Variants in ITGBL1 observed in about 807,000 individuals in gnomAD.
ITGBL1 encodes integrin beta-like protein 1.
ITGBL1 carries 51 observed loss-of-function variants against 68.5 expected under a neutral mutation model. The observed-to-expected ratio is 0.74, with a 90% confidence interval of 0.59 to 0.94. The LOEUF is 0.94. Among genes scored for constraint, ITGBL1 ranks in the 40% least tolerant of loss-of-function variants. The pLI is 0.00. For missense variants in ITGBL1, 649 were observed against 647.4 expected (o/e 1.00, Z -0.03); for synonymous variants, 209 against 227.3 (o/e 0.92, Z 0.72).
chr13:101,669,106 T>G (rs2033295014), intron 7 of ITGBL1, among the ~76,000 whole-genome samples: 1 of 150,958 alleles, frequency 6.6e-6, no homozygotes, highest in Non-Finnish European at 1.5e-5. Flanking sequence ...TAAGATACCT[T>G]TTTCGTTAAA....
intron 2 of ITGBL1, among the ~76,000 whole-genome samples, chr13:101,506,083 C>T (rs2049022563): frequency 6.6e-6 from 1 of 152,156 alleles, no homozygotes; most frequent in Admixed American, 6.5e-5. Flanking sequence ...AGTGAATATT[C>T]TTTTGATGGC....
intron 7 of ITGBL1, among the ~76,000 whole-genome samples, chr13:101,651,744 C>T (rs937480079): frequency 1.3e-5 from 2 of 149,406 alleles, no homozygotes; most frequent in Non-Finnish European, 1.5e-5. Context: ...AAATTTTTGC[C>T]CGGGTCTATG....
chr13:101,591,357 A>G (rs1167170189), intron 6 of ITGBL1, among the ~76,000 whole-genome samples: 1 of 152,158 alleles, frequency 6.6e-6, no homozygotes, highest in African/African-American at 2.4e-5. Flanking sequence ...AATAATAACA[A>G]TTTTCTTTTC....
intron 2 of ITGBL1, among the ~76,000 whole-genome samples, chr13:101,479,393 T>C (rs776911292): frequency 6.6e-6 from 1 of 152,034 alleles, no homozygotes; most frequent in African/African-American, 2.4e-5. Flanking sequence ...AGGACATCGG[T>C]CTGGGCAAAG....
chr13:101,538,374 T>C (rs372491333), intron 2 of ITGBL1, among the ~76,000 whole-genome samples: 73 of 152,156 alleles, frequency 4.8e-4, no homozygotes, highest in Non-Finnish European at 8.4e-4. Flanking sequence ...CTGGGGGGTC[T>C]AGAAAAGTTT....
intron 7 of ITGBL1, among the ~76,000 whole-genome samples, chr13:101,657,472 C>T (rs5007577): frequency 0.8 from 121,737 of 151,738 alleles, 48,976 homozygotes; most frequent in East Asian, 0.96. Context: ...TTTAAAACTC[C>T]TTTGATACAT....
chr13:101,600,167 G>A (rs912466854), intron 7 of ITGBL1, among the ~76,000 whole-genome samples: 10 of 152,202 alleles, frequency 6.6e-5, no homozygotes, highest in African/African-American at 2.4e-4. Context: ...CTTGTAAGTT[G>A]GATTGCTAGG....
chr13:101,553,711 C>A (rs1242481089), intron 2 of ITGBL1, among the ~76,000 whole-genome samples: 8 of 151,854 alleles, frequency 5.3e-5, no homozygotes, highest in Middle Eastern at 3.4e-3. Context: ...GGCTTGTAGA[C>A]ACATTGCCCC....
At chr13:101,663,286 G>T (rs562831858) in intron 7 of ITGBL1, among the ~76,000 whole-genome samples, 1 of 152,274 alleles carries the variant, frequency 6.6e-6, no homozygotes, top group South Asian at 2.1e-4. Flanking sequence ...AAACATTTAA[G>T]TAGAAAACAG....
At chr13:101,584,359 T>C (rs923926792) in intron 6 of ITGBL1, among the ~76,000 whole-genome samples, 1 of 152,162 alleles carries the variant, frequency 6.6e-6, no homozygotes, top group Non-Finnish European at 1.5e-5. Flanking sequence ...TTAGCAAAAA[T>C]GGAGTTATAG....
At chr13:101,551,509 G>T (rs2049920308) in intron 2 of ITGBL1, among the ~76,000 whole-genome samples, 1 of 152,168 alleles carries the variant, frequency 6.6e-6, no homozygotes, top group African/African-American at 2.4e-5. Context: ...AAGGGAGCAA[G>T]ATGGATCAGG....
chr13:101,594,161 A>G (rs978750596), intron 6 of ITGBL1, among the ~76,000 whole-genome samples: 8 of 152,300 alleles, frequency 5.3e-5, no homozygotes, highest in Non-Finnish European at 5.9e-5. Flanking sequence ...TGAAGGCACC[A>G]TAGCTCTTGA....
chr13:101,465,133 G>T (rs2048366501), intron 2 of ITGBL1, among the ~76,000 whole-genome samples: 1 of 152,118 alleles, frequency 6.6e-6, no homozygotes, highest in Non-Finnish European at 1.5e-5. Flanking sequence ...GTTGGTAAAT[G>T]GTCCTCATAT....
Position 101,702,454 on chromosome 13 carries a change from A to G in ITGBL1, c.1133-4302A>G, listed in dbSNP as rs578157845. Among the ~76,000 whole-genome samples the G allele has an allele frequency of 2.0e-5, 3 of 152,164 alleles. No homozygotes were observed. In the South Asian group the frequency reaches 6.2e-4, roughly 32 times the overall value. On this transcript the variant is annotated intron_variant, in intron 8 of 10. Transcript: ENST00000376180. ...TTTAAAGTGAAAGATTACATCACTGATTTTATATTTTTCATTGCTTCTGAT... is the reference window on the plus strand; with the variant it reads ...TTTAAAGTGAAAGATTACATCACTGGTTTTATATTTTTCATTGCTTCTGAT...
chr13:101,706,814 C>G lies in ITGBL1; in HGVS notation c.1191C>G (p.Leu397=), dbSNP rs780346501. Residue 397 remains leucine (L), a synonymous_variant, in exon 9 of 11, where the codon CTC becomes CTG. Transcript: ENST00000376180. ...GTGAGAGAGGATGGTTTGGAAAGCT[C>G]TGCCAACATCCGCGGAAGTGTAACA... ...CVCERGWFGK[L]CQHPRKCNMT... 5.6e-6 allele frequency: 9 copies of G among 1,614,060 alleles called. No individual in the cohort carries two copies. The highest frequency in any genetic ancestry group is 6.8e-6 in the Non-Finnish European group (8 of 1,180,030).
chr13:101,454,440 C>T (rs2139608208), intron 2 of ITGBL1, among the ~76,000 whole-genome samples: 2 of 149,142 alleles, frequency 1.3e-5, no homozygotes, highest in South Asian at 4.4e-4. Context: ...AGCTATCCTC[C>T]CTCCTGAGCT....
In ITGBL1 at chr13:101,464,367, C is replaced by T. The variant is rs564189609; in HGVS notation, c.316+10267C>T. Reference sequence around the variant, plus strand: ...TCTGTCATCTCATTTTTTGCCCATCCATGGCCTCTAAAATCTTGGCTTGTA... The same window carrying T: ...TCTGTCATCTCATTTTTTGCCCATCTATGGCCTCTAAAATCTTGGCTTGTA... On this transcript the variant is annotated intron_variant, in intron 2 of 10. Coordinates refer to ENST00000376180, the MANE Select transcript of ITGBL1 (RefSeq NM_004791.3). Among the ~76,000 whole-genome samples, 56 of 152,060 alleles carry T rather than the reference C, an allele frequency of 3.7e-4. 1 individual carries two copies. In the Middle Eastern group the frequency reaches 0.01, roughly 28 times the overall value.
At chr13:101,621,735 A>T (rs534205855) in intron 7 of ITGBL1, among the ~76,000 whole-genome samples, 1 of 152,320 alleles carries the variant, frequency 6.6e-6, no homozygotes, top group East Asian at 1.9e-4. Context: ...TTTTAGTCTC[A>T]AAAAGTCTTC....
intron 2 of ITGBL1, among the ~76,000 whole-genome samples, chr13:101,510,776 G>A (rs1390536153): frequency 1.3e-5 from 2 of 151,906 alleles, no homozygotes; most frequent in Non-Finnish European, 2.9e-5. Context: ...TATGTTTGTT[G>A]ATCACATATA....
Sources: gnomAD v4.1 joint callset for allele counts (sites outside exome capture counted in the v4.1 genomes callset) on GRCh38, gnomAD v4.1.1 for gene constraint, MANE v1.5 for transcripts, NCBI Gene and HGNC (gene_info 2026-07-23, HGNC 2026-07-21) for gene names.